SLC26A7: variants seen among roughly 807,000 people sequenced by gnomAD.
SLC26A7 encodes anion exchange transporter.
SLC26A7 carries 59 observed loss-of-function variants against 82.5 expected under a neutral mutation model. The ratio of observed to expected loss-of-function variants is 0.72; its 90% CI spans 0.58 to 0.89. SLC26A7 has a LOEUF of 0.89. Among genes scored for constraint, SLC26A7 ranks in the 40% least tolerant of loss-of-function variants. The probability of loss-of-function intolerance (pLI) is 0.00; values close to 1 mark genes in which losing one functional copy is unlikely to be tolerated. For synonymous variants in SLC26A7, 271 were observed against 274.3 expected (o/e 0.99, Z 0.12); for missense variants, 820 against 793.0 (o/e 1.03, Z -0.41).
At chr8:91,315,774 A>C (rs1342429048) in intron 4 of SLC26A7, among the ~76,000 whole-genome samples, 1 of 152,178 alleles carries the variant, frequency 6.6e-6, no homozygotes, top group East Asian at 1.9e-4. Context: ...ACATTTTCGA[A>C]ACTGGTGACT....
chr8:91,337,844 C>G (rs1399551385), intron 6 of SLC26A7, among the ~76,000 whole-genome samples: 1 of 152,172 alleles, frequency 6.6e-6, no homozygotes, highest in Non-Finnish European at 1.5e-5. Context: ...TTCATGCACA[C>G]ACACACTCCT....
rs564369951 is a variant in SLC26A7 at position 91,236,175 on chromosome 8, ATAGATATTCT to A, written c.-33-13441_-33-13432del. 8.5e-5 allele frequency among the ~76,000 whole-genome samples: 13 copies of A among 152,360 alleles called. 1 individual carries two copies. The South Asian group carries it at 2.3e-3, about 27-fold the overall frequency. ...AAAATTTCTTTTCCAAAAGAAAAGC[ATAGATATTCT>A]TAACTGCATGAAAAAGAAAATAGAA... On this transcript the variant is annotated intron_variant, in intron 2 of 5. Coordinates refer to the SLC26A7 transcript ENST00000522862.
chr8:91,295,414 A>G, intron 3 of SLC26A7, 117 bp from the exon 4 acceptor site: 1 of 1,137,278 alleles, frequency 8.8e-7, no homozygotes, highest in Non-Finnish European at 1.2e-6. Flanking sequence ...AGGAGGGGAC[A>G]GTGTTTCTAA....
At chr8:91,301,736 A>G (rs1812171582) in intron 4 of SLC26A7, among the ~76,000 whole-genome samples, 1 of 147,582 alleles carries the variant, frequency 6.8e-6, no homozygotes, top group Admixed American at 6.7e-5. Context: ...TCAATTTACC[A>G]TTATTTTATT....
chr8:91,285,673 G>A (rs900286843), intron 2 of SLC26A7, among the ~76,000 whole-genome samples: 4 of 152,192 alleles, frequency 2.6e-5, no homozygotes, highest in African/African-American at 9.7e-5. Flanking sequence ...AATTGTGTTA[G>A]CTCTAGTTTT....
In SLC26A7 at chr8:91,242,215, A is replaced by T. The variant is rs192167076; in HGVS notation, c.-33-7404A>T. The stretch of plus-strand genomic sequence containing the variant: ...TTTTAATAGAAGTACTATATTGAAA[A>T]GTTACATGACTGCTGAAAACATAAC... On this transcript the variant is annotated intron_variant, in intron 2 of 5. Transcript: ENST00000522862. 4.6e-5 allele frequency among the ~76,000 whole-genome samples: 7 copies of T among 152,326 alleles called. No individual in the cohort carries two copies. In the East Asian group the frequency reaches 1.3e-3, roughly 29 times the overall value.
intron 6 of SLC26A7, among the ~76,000 whole-genome samples, chr8:91,335,926 A>G (rs543944891): frequency 4.0e-4 from 61 of 152,084 alleles, no homozygotes; most frequent in African/African-American, 1.4e-3. Context: ...TTCACTTTCC[A>G]GCTCTATCCC....
intron 2 of SLC26A7, among the ~76,000 whole-genome samples, chr8:91,230,761 CT>C (rs894645049): frequency 6.6e-6 from 1 of 152,152 alleles, no homozygotes; most frequent in African/African-American, 2.4e-5. Flanking sequence ...GAAGCTTATG[CT>C]TTATGTATAC....
chr8:91,232,832 A>G (rs1344812572), intron 2 of SLC26A7, among the ~76,000 whole-genome samples: 1 of 152,228 alleles, frequency 6.6e-6, no homozygotes, highest in Non-Finnish European at 1.5e-5. Flanking sequence ...TGTTGCTTTT[A>G]CTGGGGGAAA....
At chr8:91,340,804 G>C in intron 8 of SLC26A7, 1 of 466,382 alleles carries the variant, frequency 2.1e-6, no homozygotes, top group East Asian at 4.3e-5. Flanking sequence ...GTTTTTAGGA[G>C]AGAATCCAAA....
intron 15 of SLC26A7, among the ~76,000 whole-genome samples, chr8:91,374,821 A>G (rs756101350): frequency 1.3e-5 from 2 of 152,044 alleles, no homozygotes; most frequent in Admixed American, 1.3e-4. Flanking sequence ...TAGTGCTGCC[A>G]GTGTGATATT....
intron 2 of SLC26A7, among the ~76,000 whole-genome samples, chr8:91,284,798 ATAT>A (rs1432229750): frequency 1.3e-5 from 2 of 152,222 alleles, no homozygotes; most frequent in African/African-American, 2.4e-5. Flanking sequence ...AATTTAAATG[ATAT>A]TATAGAGATT....
Position 91,396,298 on chromosome 8 carries a change from G to C in SLC26A7, c.*1201G>C, listed in dbSNP as rs558796951. On this transcript the variant is annotated 3_prime_UTR_variant, in exon 19 of 19. Transcript: ENST00000276609. ...AAGATAGGCATAGACACATAATTATGCTTAAGCTTTTAACAGCATTTTAAC... is the reference window on the plus strand; with the variant it reads ...AAGATAGGCATAGACACATAATTATCCTTAAGCTTTTAACAGCATTTTAAC... The C allele has an allele frequency of 1.5e-4, 23 of 152,146 alleles. No homozygotes were observed. Among genetic ancestry groups the C allele is most frequent in the Admixed American group, 6.5e-4 (10 of 15,286 alleles). 9.4% of individuals were successfully genotyped at this position (152,146 alleles called of 1,614,324 possible). A position where few individuals can be genotyped will look rare whatever the true frequency, so the allele number is the denominator to read the frequency against.
At position 91,387,993 on chromosome 8, in the gene SLC26A7, A is replaced by G. The variant is rs568347187; in HGVS notation, c.1676-1345A>G. 2.6e-5 allele frequency among the ~76,000 whole-genome samples: 4 copies of G among 152,364 alleles called. No homozygotes were observed. In the East Asian group the frequency reaches 7.7e-4, roughly 29 times the overall value. On this transcript the variant is annotated intron_variant, in intron 15 of 18. Coordinates refer to ENST00000276609, the MANE Select transcript of SLC26A7 (RefSeq NM_052832.4). ...AGATCTAAAGATGAAACTGAAAACC[A>G]AGTCTTATACCTGACTACCACTTTT...
At position 91,380,311 on chromosome 8, in the gene SLC26A7, C is replaced by G. The variant is rs191103908; in HGVS notation, c.1676-9027C>G. 1.8e-4 allele frequency among the ~76,000 whole-genome samples: 28 copies of G among 152,142 alleles called. No homozygotes were observed. In the East Asian group the frequency reaches 2.1e-3, roughly 12 times the overall value. On this transcript the variant is annotated intron_variant, in intron 15 of 18. Transcript: ENST00000276609. ...TATTTATTTATGCATTATAAGGTATCTTAGTAATGGTACCCAACTCTAAAC... is the reference window on the plus strand; with the variant it reads ...TATTTATTTATGCATTATAAGGTATGTTAGTAATGGTACCCAACTCTAAAC...
intron 4 of SLC26A7, among the ~76,000 whole-genome samples, chr8:91,304,672 C>A (rs368824994): frequency 1.3e-5 from 2 of 152,334 alleles, no homozygotes; most frequent in South Asian, 2.1e-4. Context: ...TCCTTAACTG[C>A]TGCTATGCAG....
chr8:91,236,742 T>C (rs1810398639), intron 2 of SLC26A7, among the ~76,000 whole-genome samples: 1 of 152,170 alleles, frequency 6.6e-6, no homozygotes, highest in African/African-American at 2.4e-5. Context: ...TAAATGTGAG[T>C]GTCTGATTTC....
chr8:91,344,157 A>T (rs948178682), intron 9 of SLC26A7: 4 of 985,398 alleles, frequency 4.1e-6, no homozygotes, highest in Non-Finnish European at 4.8e-6. Context: ...AACTTGTTTA[A>T]TCCTATGAAA....
At chr8:91,311,726 T>C (rs1238847019) in intron 4 of SLC26A7, among the ~76,000 whole-genome samples, 1 of 152,176 alleles carries the variant, frequency 6.6e-6, no homozygotes, top group African/African-American at 2.4e-5. Context: ...TCCAGAGGAT[T>C]CTGTGGGCTT....
Sources: allele counts gnomAD v4.1 joint callset (sites outside exome capture counted in the v4.1 genomes callset), GRCh38; gene constraint gnomAD v4.1.1; transcripts MANE v1.5; gene names NCBI Gene and HGNC (gene_info 2026-07-23, HGNC 2026-07-21).